The following ALCAM variants were observed in gnomAD, a reference collection of about 807,000 sequenced individuals.
The protein encoded by ALCAM is CD166 antigen.
In ALCAM, 30 loss-of-function variants were observed where a neutral mutation model predicts 70.9. The ratio of observed to expected loss-of-function variants is 0.42; its 90% CI spans 0.32 to 0.57. The LOEUF is 0.57. Among genes scored for constraint, ALCAM ranks in the 20% least tolerant of loss-of-function variants. The pLI is 0.11. For synonymous variants in ALCAM, 249 were observed against 242.5 expected (o/e 1.03, Z -0.25); for missense variants, 591 against 695.1 (o/e 0.85, Z 1.68).
At chr3:105,569,229 C>G (rs1055231684) in intron 14 of ALCAM, among the ~76,000 whole-genome samples, 2 of 146,248 alleles carry the variant, frequency 1.4e-5, no homozygotes, top group African/African-American at 2.5e-5. Flanking sequence ...AAAGAGAAAG[C>G]AAAAGGAGAA....
chr3:105,544,393 C>G (rs919785953), intron 8 of ALCAM, among the ~76,000 whole-genome samples: 1 of 150,456 alleles, frequency 6.6e-6, no homozygotes, highest in East Asian at 1.9e-4. Context: ...CCCAGTTTGG[C>G]TCTGTTCTCT....
intron 1 of ALCAM, among the ~76,000 whole-genome samples, chr3:105,489,389 T>G (rs1938521880): frequency 6.6e-6 from 1 of 152,200 alleles, no homozygotes; most frequent in African/African-American, 2.4e-5. Flanking sequence ...AGCAAATTTA[T>G]GTATACCATA....
intron 11 of ALCAM, among the ~76,000 whole-genome samples, chr3:105,548,212 C>T (rs913578520): frequency 6.6e-6 from 1 of 151,434 alleles, no homozygotes; most frequent in African/African-American, 2.4e-5. Context: ...CTTTGACCCT[C>T]CCCTTAAAGG....
intron 1 of ALCAM, among the ~76,000 whole-genome samples, chr3:105,450,407 G>T (rs1483445257): frequency 6.6e-6 from 1 of 152,058 alleles, no homozygotes; most frequent in Non-Finnish European, 1.5e-5. Context: ...AATGTCCTAG[G>T]CCAACTTTCA....
intron 1 of ALCAM, among the ~76,000 whole-genome samples, chr3:105,461,588 G>A (rs565847427): frequency 6.6e-6 from 1 of 151,714 alleles, no homozygotes; most frequent in South Asian, 2.1e-4. Context: ...GAAGAAGTGG[G>A]GCTTTGCCTG....
intron 1 of ALCAM, among the ~76,000 whole-genome samples, chr3:105,515,111 C>T (rs912739003): frequency 2.6e-5 from 4 of 151,728 alleles, no homozygotes; most frequent in African/African-American, 9.7e-5. Flanking sequence ...ACCTCATGAC[C>T]TTGATGAGAA....
intron 1 of ALCAM, among the ~76,000 whole-genome samples, chr3:105,478,938 T>G (rs1268531353): frequency 6.6e-6 from 1 of 152,104 alleles, no homozygotes; most frequent in Non-Finnish European, 1.5e-5. Context: ...TGTATAACTT[T>G]CCTAGTGCCA....
intron 1 of ALCAM, among the ~76,000 whole-genome samples, chr3:105,390,199 C>A (rs1935779044): frequency 6.6e-6 from 1 of 151,972 alleles, no homozygotes; most frequent in African/African-American, 2.4e-5. Flanking sequence ...TTTACATTAC[C>A]ACCAACAGTG....
intron 1 of ALCAM, among the ~76,000 whole-genome samples, chr3:105,505,979 ATGATCAGCGATTTTTAT>A (rs1939063566): frequency 6.6e-6 from 1 of 152,314 alleles, no homozygotes; most frequent in African/African-American, 2.4e-5. Context: ...GTGTTGAAGT[ATGATCAGCGATTTTTAT>A]TGATCTTATG....
At chr3:105,401,110 T>C (rs911140193) in intron 1 of ALCAM, among the ~76,000 whole-genome samples, 18 of 152,200 alleles carry the variant, frequency 1.2e-4, no homozygotes, top group African/African-American at 4.1e-4. Flanking sequence ...GAACCTAGAT[T>C]AGTGCATAAC....
intron 14 of ALCAM, among the ~76,000 whole-genome samples, chr3:105,565,324 T>G (rs2152635016): frequency 6.6e-6 from 1 of 152,326 alleles, no homozygotes; most frequent in South Asian, 2.1e-4. Context: ...TTTTATTGCC[T>G]TTACTGTTTT....
At chr3:105,385,593 G>T (rs771745719) in intron 1 of ALCAM, among the ~76,000 whole-genome samples, 1 of 151,588 alleles carries the variant, frequency 6.6e-6, no homozygotes, top group Non-Finnish European at 1.5e-5. Flanking sequence ...CTAACATTCA[G>T]TTAATTTCTT....
intron 1 of ALCAM, among the ~76,000 whole-genome samples, chr3:105,459,212 A>C (rs1310718163): frequency 6.6e-6 from 1 of 152,126 alleles, no homozygotes; most frequent in African/African-American, 2.4e-5. Flanking sequence ...GTGCTTCCGC[A>C]TGAAATATTC....
chr3:105,484,222 A>C (rs1938357984), intron 1 of ALCAM, among the ~76,000 whole-genome samples: 1 of 151,246 alleles, frequency 6.6e-6, no homozygotes, highest in African/African-American at 2.4e-5. Context: ...GGAAAGTTAC[A>C]AAGTAACTAC....
At chr3:105,385,685 C>G (rs1935634537) in intron 1 of ALCAM, among the ~76,000 whole-genome samples, 1 of 151,580 alleles carries the variant, frequency 6.6e-6, no homozygotes, top group African/African-American at 2.4e-5. Flanking sequence ...AAATCCAGAG[C>G]ATTTTGGTCC....
At chr3:105,480,630 G>A (rs1938246658) in intron 1 of ALCAM, among the ~76,000 whole-genome samples, 1 of 152,150 alleles carries the variant, frequency 6.6e-6, no homozygotes, top group African/African-American at 2.4e-5. Context: ...GTAGGGACAT[G>A]CTAGGCTAAC....
intron 6 of ALCAM, among the ~76,000 whole-genome samples, chr3:105,537,472 A>G (rs952559605): frequency 3.3e-5 from 5 of 152,000 alleles, no homozygotes; most frequent in African/African-American, 9.7e-5. Context: ...CCCCTCCCCC[A>G]ATTGCAGTAT....
chr3:105,523,949 A>G (rs1021183056), intron 2 of ALCAM, among the ~76,000 whole-genome samples: 1 of 152,202 alleles, frequency 6.6e-6, no homozygotes, highest in Non-Finnish European at 1.5e-5. Context: ...TGGTTATCTG[A>G]ACATCATTTT....
chr3:105,476,038 A>G (rs1171484772), intron 1 of ALCAM, among the ~76,000 whole-genome samples: 7 of 152,010 alleles, frequency 4.6e-5, no homozygotes, highest in African/African-American at 1.7e-4. Context: ...GCCCTCCACG[A>G]AAATGATTCC....
Sources: allele counts gnomAD v4.1 joint callset (sites outside exome capture counted in the v4.1 genomes callset), GRCh38; gene constraint gnomAD v4.1.1; transcripts MANE v1.5; gene names NCBI Gene and HGNC (gene_info 2026-07-23, HGNC 2026-07-21).